Variants in LSAMP observed in about 807,000 individuals in gnomAD.
The protein encoded by LSAMP is limbic system-associated membrane protein.
LSAMP carries 7 observed loss-of-function variants against 38.6 expected under a neutral mutation model. The observed-to-expected ratio is 0.18, with a 90% confidence interval of 0.10 to 0.34. The LOEUF (loss-of-function observed/expected upper bound fraction) is 0.34, where lower values mean the gene tolerates loss of function less well. LSAMP is among the 10% of genes least tolerant of loss of function. The pLI, the probability that LSAMP is intolerant of heterozygous loss-of-function variation, is 1.00. For synonymous variants in LSAMP, 154 were observed against 166.8 expected, an observed-to-expected ratio of 0.92 and a Z score of 0.59; for missense variants, 313 against 420.0, an observed-to-expected ratio of 0.75 and a Z score of 2.23.
At chr3:116,060,558 C>T (rs1206939372) in intron 2 of LSAMP, among the ~76,000 whole-genome samples, 4 of 152,070 alleles carry the variant, frequency 2.6e-5, no homozygotes, top group South Asian at 4.1e-4. Flanking sequence ...GTCGGGAGTT[C>T]GAGACCAGCC....
At chr3:116,096,328 A>G (rs1350145039) in intron 1 of LSAMP, among the ~76,000 whole-genome samples, 3 of 152,136 alleles carry the variant, frequency 2.0e-5, no homozygotes, top group East Asian at 3.9e-4. Context: ...TATGTAGAAA[A>G]CCCATTTTTG....
At chr3:115,885,209 G>A (rs936984881) in intron 3 of LSAMP, among the ~76,000 whole-genome samples, 1 of 151,938 alleles carries the variant, frequency 6.6e-6, no homozygotes, top group African/African-American at 2.4e-5. Context: ...GTGGGAAAAA[G>A]GCAGAATTTG....
chr3:115,854,115 A>G (rs1196198985), intron 3 of LSAMP, among the ~76,000 whole-genome samples: 1 of 151,974 alleles, frequency 6.6e-6, no homozygotes, highest in Non-Finnish European at 1.5e-5. Flanking sequence ...GTTTTGAGGA[A>G]ACTGTACAAT....
intron 1 of LSAMP, among the ~76,000 whole-genome samples, chr3:116,319,064 G>A (rs1324682051): frequency 6.6e-6 from 1 of 152,130 alleles, no homozygotes; most frequent in East Asian, 1.9e-4. Context: ...GGATTACTGG[G>A]AGAAGTAGGG....
At chr3:116,286,718 A>G (rs1334891310) in intron 1 of LSAMP, among the ~76,000 whole-genome samples, 1 of 152,162 alleles carries the variant, frequency 6.6e-6, no homozygotes, top group Non-Finnish European at 1.5e-5. Flanking sequence ...TTTAGATCAA[A>G]AGTTACACAA....
rs115219258 is a variant in LSAMP at position 116,440,092 on chromosome 3, G to A, written c.155+4785C>T. Among the ~76,000 whole-genome samples, 1,029 of 152,336 alleles carry A rather than the reference G, an allele frequency of 6.8e-3. 13 individuals are homozygous for A. The highest frequency in any genetic ancestry group is 0.023 in the African/African-American group (957 of 41,580). On this transcript the variant is annotated intron_variant, in intron 1 of 6. Coordinates refer to ENST00000490035, the MANE Select transcript of LSAMP (RefSeq NM_002338.5). ...AGAGACTTGCTTAAAGTTACAGCATGCAAGGATAGATCCAAATTCAGAGCC... is the reference window on the plus strand; with the variant it reads ...AGAGACTTGCTTAAAGTTACAGCATACAAGGATAGATCCAAATTCAGAGCC...
intron 1 of LSAMP, among the ~76,000 whole-genome samples, chr3:116,257,217 A>T (rs953698998): frequency 2.0e-5 from 3 of 152,198 alleles, no homozygotes; most frequent in Non-Finnish European, 4.4e-5. Context: ...AATTTTACTG[A>T]CTAATGTAAT....
intron 1 of LSAMP, among the ~76,000 whole-genome samples, chr3:116,383,033 T>C (rs1324418792): frequency 6.6e-6 from 1 of 152,132 alleles, no homozygotes; most frequent in Non-Finnish European, 1.5e-5. Context: ...GCTATCTCAC[T>C]AGGATGTTGT....
At chr3:116,132,886 C>G (rs1217086119) in intron 1 of LSAMP, among the ~76,000 whole-genome samples, 1 of 152,184 alleles carries the variant, frequency 6.6e-6, no homozygotes, top group Admixed American at 6.5e-5. Context: ...ACCTCTGTCT[C>G]CCTATCAATC....
At chr3:116,329,204 C>T (rs1464654816) in intron 1 of LSAMP, among the ~76,000 whole-genome samples, 1 of 152,142 alleles carries the variant, frequency 6.6e-6, no homozygotes, top group African/African-American at 2.4e-5. Flanking sequence ...TGCACATATT[C>T]TAATCCTTAC....
chr3:115,931,270 CT>C lies in LSAMP; in HGVS notation c.515-78654del, dbSNP rs946716616. On this transcript the variant is annotated intron_variant, in intron 3 of 6. Transcript: ENST00000490035. ...CTTCTGCCTAAAATCCCAGCAGCCTCTGGTGAAAACCTTGGCCATAGAATGC... is the reference window on the plus strand; with the variant it reads ...CTTCTGCCTAAAATCCCAGCAGCCTCGGTGAAAACCTTGGCCATAGAATGC... 9.0e-4 allele frequency among the ~76,000 whole-genome samples: 137 copies of C among 152,316 alleles called. 2 individuals are homozygous for C. The highest frequency in any genetic ancestry group is 3.2e-3 in the African/African-American group (132 of 41,570).
chr3:116,135,902 T>A (rs183776510), intron 1 of LSAMP, among the ~76,000 whole-genome samples: 1 of 152,194 alleles, frequency 6.6e-6, no homozygotes, highest in African/African-American at 2.4e-5. Context: ...TCCTGATTGA[T>A]GAGGCTAATA....
At position 115,802,763 on chromosome 3, in the gene LSAMP, C is replaced by A. The variant is rs1192304160; in HGVS notation, c.*7554G>T. 2 of 151,852 alleles carry A rather than the reference C, an allele frequency of 1.3e-5. No homozygotes were observed. Among genetic ancestry groups the A allele is most frequent in the Non-Finnish European group, 2.9e-5 (2 of 67,978 alleles). 9.4% of individuals were successfully genotyped at this position (151,852 alleles called of 1,614,324 possible). On this transcript the variant is annotated 3_prime_UTR_variant, in exon 7 of 7. Coordinates refer to ENST00000490035, the MANE Select transcript of LSAMP (RefSeq NM_002338.5). ...TATAACACTGTTAATAAGGAGAATT[C>A]TAACCAAGAGCAGGATTTATACACC...
chr3:116,135,195 C>T (rs1315369879), intron 1 of LSAMP, among the ~76,000 whole-genome samples: 3 of 152,148 alleles, frequency 2.0e-5, no homozygotes, highest in Admixed American at 2.0e-4. Context: ...AACTCTGACA[C>T]TAAAGTCAAT....
rs944040764 is a variant in LSAMP, at chr3:115,939,560, CTTTCTTTCTT to C, written c.514+79945_514+79954del. ...TCTTTCTTTCTTTCTTTCTTTCTTT[CTTTCTTTCTT>C]TCTTTCTTTCTTTCTGTTAAGAGAC... On this transcript the variant is annotated intron_variant, in intron 3 of 6. Transcript: ENST00000490035. Among the ~76,000 whole-genome samples, 34 of 100,428 alleles carry C rather than the reference CTTTCTTTCTT, an allele frequency of 3.4e-4. 2 individuals are homozygous for C. The East Asian group carries it at 0.014, about 43-fold the overall frequency. The allele number at this position is 100,428 out of a possible 152,430, so 65.9% of individuals were successfully genotyped here.
At chr3:115,813,441 A>G (rs2107451623) in intron 6 of LSAMP, among the ~76,000 whole-genome samples, 1 of 152,302 alleles carries the variant, frequency 6.6e-6, no homozygotes, top group Middle Eastern at 3.4e-3. Context: ...TATGATGTTC[A>G]CAAGAATGAA....
At chr3:116,062,383 A>C (rs533151208) in intron 2 of LSAMP, among the ~76,000 whole-genome samples, 6 of 152,206 alleles carry the variant, frequency 3.9e-5, no homozygotes, top group Non-Finnish European at 5.9e-5. Context: ...GTGGTGCACA[A>C]CTGTAATCCC....
chr3:116,367,252 T>G (rs1413366569), intron 1 of LSAMP, among the ~76,000 whole-genome samples: 1 of 152,134 alleles, frequency 6.6e-6, no homozygotes, highest in Non-Finnish European at 1.5e-5. Flanking sequence ...CAGTGTTCTA[T>G]TGCTGAAACT....
chr3:116,258,992 T>G (rs1307547162), intron 1 of LSAMP, among the ~76,000 whole-genome samples: 2 of 152,142 alleles, frequency 1.3e-5, no homozygotes, highest in Non-Finnish European at 2.9e-5. Context: ...CTGTCCTTGT[T>G]TCGCCAAATC....
Sources: allele counts gnomAD v4.1 joint callset (sites outside exome capture counted in the v4.1 genomes callset), GRCh38; gene constraint gnomAD v4.1.1; transcripts MANE v1.5; gene names NCBI Gene and HGNC (gene_info 2026-07-23, HGNC 2026-07-21).